The following AXDND1 variants were observed in gnomAD, a reference collection of about 807,000 sequenced individuals.
AXDND1 encodes the protein axonemal dynein light chain domain containing 1.
In AXDND1, 110 loss-of-function variants were observed where a neutral mutation model predicts 137.5. The ratio of observed to expected loss-of-function variants is 0.80; its 90% CI spans 0.69 to 0.94. AXDND1 has a LOEUF of 0.94. Among genes scored for constraint, AXDND1 ranks in the 40% least tolerant of loss-of-function variants. The pLI is 0.00. For missense variants in AXDND1, 1,191 were observed against 1,169.8 expected, an observed-to-expected ratio of 1.02 and a Z score of -0.26; for synonymous variants, 414 against 399.7, an observed-to-expected ratio of 1.04 and a Z score of -0.43.
At chr1:179,384,014 C>T (rs538279957) in intron 8 of AXDND1, among the ~76,000 whole-genome samples, 65 of 152,182 alleles carry the variant, frequency 4.3e-4, no homozygotes, top group Non-Finnish European at 7.4e-4. Context: ...CATGAACCAC[C>T]GCACCAGGCC....
At chr1:179,379,171 C>A (rs959442621) in intron 5 of AXDND1, among the ~76,000 whole-genome samples, 4 of 152,128 alleles carry the variant, frequency 2.6e-5, no homozygotes, top group Non-Finnish European at 5.9e-5. Context: ...GTAACTAATA[C>A]TAGCACCAAG....
chr1:179,474,306 G>A (rs1664342915), intron 17 of AXDND1, among the ~76,000 whole-genome samples: 1 of 152,134 alleles, frequency 6.6e-6, no homozygotes, highest in Admixed American at 6.5e-5. Context: ...ACTGGAATTG[G>A]GGTACTGCTA....
rs199581847 is a variant in AXDND1, at chr1:179,414,553, G to A, written c.1230+3287G>A. On this transcript the variant is annotated intron_variant, in intron 12 of 25. Transcript: ENST00000367618. Reference sequence around the variant, plus strand: ...CCATTCTCCTGCCTCAGCCTCCTGTGTAGCTGGGACTACAGGCGCCCGCCA... The same window carrying A: ...CCATTCTCCTGCCTCAGCCTCCTGTATAGCTGGGACTACAGGCGCCCGCCA... Among the ~76,000 whole-genome samples, 6 of 152,082 alleles carry A rather than the reference G, an allele frequency of 3.9e-5. No individual in the cohort carries two copies. In the East Asian group the frequency reaches 1.2e-3, roughly 29 times the overall value.
At chr1:179,426,497 A>G (rs572942132) in intron 12 of AXDND1, among the ~76,000 whole-genome samples, 38 of 152,324 alleles carry the variant, frequency 2.5e-4, no homozygotes, top group African/African-American at 9.1e-4. Context: ...ATTGATGGGC[A>G]TATATATTGA....
intron 20 of AXDND1, among the ~76,000 whole-genome samples, chr1:179,500,483 A>G (rs1254530118): frequency 1.3e-5 from 2 of 151,898 alleles, no homozygotes; most frequent in Non-Finnish European, 2.9e-5. Context: ...ATAAAAGTTG[A>G]TCAGTTTCTT....
chr1:179,366,765 A>G (rs981268874), intron 2 of AXDND1, among the ~76,000 whole-genome samples, 159 bp downstream of exon 2: 1 of 140,980 alleles, frequency 7.1e-6, no homozygotes, highest in Non-Finnish European at 1.5e-5. Context: ...TTCCTTTTAC[A>G]GTATTTTGAG....
intron 17 of AXDND1, among the ~76,000 whole-genome samples, chr1:179,478,573 G>A (rs1282539557): frequency 1.3e-5 from 2 of 152,194 alleles, no homozygotes; most frequent in African/African-American, 4.8e-5. Context: ...GGCCCATGAA[G>A]CCATTTTTTC....
chr1:179,423,203 T>G (rs1365006693), intron 12 of AXDND1, among the ~76,000 whole-genome samples: 1 of 151,912 alleles, frequency 6.6e-6, no homozygotes, highest in African/African-American at 2.4e-5. Flanking sequence ...GTAACCTTTT[T>G]TTTTTACAGT....
intron 20 of AXDND1, among the ~76,000 whole-genome samples, chr1:179,494,354 C>T (rs916399279): frequency 2.0e-5 from 3 of 152,078 alleles, no homozygotes; most frequent in Non-Finnish European, 4.4e-5. Flanking sequence ...TGTTGAACTT[C>T]TTTTCATGTG....
At chr1:179,396,835 G>A (rs1323895245) in intron 11 of AXDND1, among the ~76,000 whole-genome samples, 2 of 151,958 alleles carry the variant, frequency 1.3e-5, no homozygotes, top group African/African-American at 2.4e-5. Flanking sequence ...CATTTGCTTG[G>A]TAGATTTTTC....
chr1:179,452,712 A>C (rs958129269), intron 16 of AXDND1: 2 of 144,164 alleles, frequency 1.4e-5, no homozygotes, highest in Admixed American at 1.3e-4. Context: ...AAAAAAAAAA[A>C]AAAAAAAAAG....
intron 18 of AXDND1, 129 bp downstream of exon 18, chr1:179,483,350 A>C (rs1665657155): frequency 1.9e-6 from 1 of 518,060 alleles, no homozygotes; most frequent in African/African-American, 2.0e-5. Context: ...CTTGTATAAT[A>C]ATTTCTCAAA....
intron 25 of AXDND1, 66 bp downstream of exon 25, chr1:179,535,028 C>A: frequency 6.3e-7 from 1 of 1,595,846 alleles, no homozygotes. Flanking sequence ...GACTGGGCCA[C>A]AAATATTGTA....
chr1:179,488,634 C>CTTTCTTTCTTTCTTTTTCTTTCTTT lies in AXDND1; in HGVS notation c.2092-2904_2092-2903insTTTCTTTCTTTCTTTTTCTTTCTTT. ...TTTCTTTCTTTCTCTCTCTCTCTCT[C>CTTTCTTTCTTTCTTTTTCTTTCTTT]CTTTCTTTCTTTCTTTCTTTCTTTC... is the stretch of plus-strand genomic sequence containing the variant. On this transcript the variant is annotated intron_variant, in intron 18 of 25. Transcript: ENST00000367618. Among the ~76,000 whole-genome samples, 3 of 105,254 alleles carry CTTTCTTTCTTTCTTTTTCTTTCTTT rather than the reference C, an allele frequency of 2.9e-5. 1 individual carries two copies. The East Asian group carries it at 7.8e-4, about 27-fold the overall frequency. 69.1% of individuals were successfully genotyped at this position (105,254 alleles called of 152,430 possible). A position where few individuals can be genotyped will look rare whatever the true frequency, so the allele number is the denominator to read the frequency against.
At chr1:179,462,361 T>C (rs1558215766) in intron 16 of AXDND1, among the ~76,000 whole-genome samples, 1 of 152,218 alleles carries the variant, frequency 6.6e-6, no homozygotes, top group Non-Finnish European at 1.5e-5. Flanking sequence ...TCGATTTTCA[T>C]ATGTTGAGCC....
At chr1:179,493,245 A>G (rs1667113206) in intron 20 of AXDND1, among the ~76,000 whole-genome samples, 1 of 152,222 alleles carries the variant, frequency 6.6e-6, no homozygotes, top group African/African-American at 2.4e-5. Context: ...ATTTATAAAA[A>G]TGGAATTATA....
chr1:179,478,555 C>A (rs1572009637), intron 17 of AXDND1, among the ~76,000 whole-genome samples: 1 of 152,326 alleles, frequency 6.6e-6, no homozygotes, highest in East Asian at 1.9e-4. Context: ...CAGAGGGACC[C>A]TGGGCCTGGC....
intron 2 of AXDND1, 96 bp downstream of exon 2, chr1:179,366,702 C>T: frequency 1.0e-6 from 1 of 972,744 alleles, no homozygotes. Flanking sequence ...ATTCAGAATA[C>T]CTTGATTGGC....
chr1:179,533,528 G>C (rs979483920), intron 23 of AXDND1, among the ~76,000 whole-genome samples: 2 of 150,018 alleles, frequency 1.3e-5, no homozygotes, highest in Admixed American at 1.3e-4. Flanking sequence ...TGTTGTTACT[G>C]TTTCCCCTGC....
Sources: gnomAD v4.1 joint callset for allele counts (sites outside exome capture counted in the v4.1 genomes callset) on GRCh38, gnomAD v4.1.1 for gene constraint, MANE v1.5 for transcripts, NCBI Gene and HGNC (gene_info 2026-07-23, HGNC 2026-07-21) for gene names.